The following SLIT3 variants were observed in gnomAD, a reference collection of about 807,000 sequenced individuals.
SLIT3 encodes slit homolog 3 protein.
Under a neutral mutation model 184.0 loss-of-function variants are expected in SLIT3, and 68 were observed. That is an observed-to-expected ratio of 0.37 (90% CI 0.30 to 0.45). The LOEUF (loss-of-function observed/expected upper bound fraction) is 0.45. Ranked by LOEUF, SLIT3 falls within the 20% of genes least tolerant of loss-of-function variation. SLIT3 has a pLI of 1.00. For synonymous variants in SLIT3, 831 were observed against 828.6 expected, an observed-to-expected ratio of 1.00 and a Z score of -0.05; for missense variants, 1,707 against 2,026.0, an observed-to-expected ratio of 0.84 and a Z score of 3.02.
At chr5:168,848,308 A>T (rs1758554174) in intron 5 of SLIT3, among the ~76,000 whole-genome samples, 1 of 152,214 alleles carries the variant, frequency 6.6e-6, no homozygotes. Flanking sequence ...CTGTGACTGT[A>T]CAGGGCTAAG....
intron 26 of SLIT3, among the ~76,000 whole-genome samples, chr5:168,701,163 CGT>C (rs1214812861): frequency 6.6e-6 from 1 of 152,210 alleles, no homozygotes; most frequent in Non-Finnish European, 1.5e-5. Context: ...AAAGGTTACA[CGT>C]GTGTAATCCA....
intron 4 of SLIT3, among the ~76,000 whole-genome samples, chr5:169,032,758 C>CTA (rs1169022553): frequency 6.6e-6 from 1 of 151,300 alleles, no homozygotes; most frequent in African/African-American, 2.4e-5. Flanking sequence ...CTCATGAATA[C>CTA]TATGCTTGGG....
intron 6 of SLIT3, among the ~76,000 whole-genome samples, chr5:168,838,048 G>T (rs1266943029): frequency 2.0e-5 from 3 of 152,234 alleles, no homozygotes; most frequent in African/African-American, 7.2e-5. Context: ...CTAAGGGTCA[G>T]TGTTTCAATA....
chr5:169,292,882 T>G (rs915184194), intron 1 of SLIT3, among the ~76,000 whole-genome samples: 2 of 152,108 alleles, frequency 1.3e-5, no homozygotes, highest in East Asian at 1.9e-4. Flanking sequence ...TGGGGAGATA[T>G]GGGGATGTCA....
At chr5:168,947,553 C>T (rs1762520663) in intron 4 of SLIT3, among the ~76,000 whole-genome samples, 1 of 152,200 alleles carries the variant, frequency 6.6e-6, no homozygotes, top group South Asian at 2.1e-4. Flanking sequence ...TTCTGCCCCA[C>T]AGCTGTGCCC....
At chr5:168,989,787 A>G (rs891917748) in intron 4 of SLIT3, among the ~76,000 whole-genome samples, 4 of 152,190 alleles carry the variant, frequency 2.6e-5, no homozygotes, top group Non-Finnish European at 5.9e-5. Flanking sequence ...TTTCACCCCA[A>G]TGATGCCAGA....
intron 4 of SLIT3, among the ~76,000 whole-genome samples, chr5:168,944,195 GCC>G (rs1762408553): frequency 6.6e-6 from 1 of 152,102 alleles, no homozygotes; most frequent in Non-Finnish European, 1.5e-5. Context: ...GTTTGAGTCT[GCC>G]CACCCCTCCT....
rs753790466 is a variant in SLIT3 at position 168,671,201 on chromosome 5, T to C, written c.4124A>G (p.His1375Arg). ...CCAGGGCTCCTGGGACACTGACCTG[T>C]GGCCGAGGCAGGGGTCCCGGGCCTC... ...DQEARDPCLG[H>R]RCHHGKCVAT... Residue 1375 changes from histidine (H) to arginine (R), a missense_variant, in exon 34 of 36, where the codon CAC (histidine) becomes CGC (arginine). Transcript: ENST00000519560. The C allele has an allele frequency of 6.2e-7, 1 of 1,606,138 alleles. No homozygotes were observed. Among genetic ancestry groups the C allele is most frequent in the East Asian group, 2.2e-5 (1 of 44,654 alleles).
chr5:169,035,886 C>T (rs961808533), intron 4 of SLIT3, among the ~76,000 whole-genome samples: 1 of 152,106 alleles, frequency 6.6e-6, no homozygotes, highest in Admixed American at 6.5e-5. Flanking sequence ...ATCGTAGAGT[C>T]TTGAATCCTG....
rs183874577 is a variant in SLIT3, at chr5:168,955,076, C to T, written c.414-71740G>A. On this transcript the variant is annotated intron_variant, in intron 4 of 35. Transcript: ENST00000519560. Reference sequence around the variant, plus strand: ...CCAGGCCACCTAGAGGCACTCCTGGCCTTCCTGATGTTGGGGGGTGGTGGG... The same window carrying T: ...CCAGGCCACCTAGAGGCACTCCTGGTCTTCCTGATGTTGGGGGGTGGTGGG... Among the ~76,000 whole-genome samples the T allele has an allele frequency of 2.6e-4, 36 of 138,308 alleles. No individual in the cohort carries two copies. In the East Asian group the frequency reaches 4.4e-3, roughly 17 times the overall value. 90.7% of individuals were successfully genotyped at this position (138,308 alleles called of 152,430 possible). A position where few individuals can be genotyped will look rare whatever the true frequency, so the allele number is the denominator to read the frequency against.
At chr5:168,973,351 G>A (rs1261655304) in intron 4 of SLIT3, among the ~76,000 whole-genome samples, 2 of 152,152 alleles carry the variant, frequency 1.3e-5, no homozygotes, top group Non-Finnish European at 2.9e-5. Context: ...GGGTTCAAGC[G>A]ATTCTCCTAC....
intron 4 of SLIT3, among the ~76,000 whole-genome samples, chr5:168,898,586 T>A (rs1049375696): frequency 6.6e-6 from 1 of 152,164 alleles, no homozygotes. Context: ...TTTTGGCCAC[T>A]GTTCAAAATG....
chr5:168,838,049 T>C (rs1387999210), intron 6 of SLIT3, among the ~76,000 whole-genome samples: 1 of 152,224 alleles, frequency 6.6e-6, no homozygotes, highest in Non-Finnish European at 1.5e-5. Flanking sequence ...TAAGGGTCAG[T>C]GTTTCAATAA....
intron 31 of SLIT3, among the ~76,000 whole-genome samples, chr5:168,684,880 T>C (rs1299636445): frequency 1.3e-5 from 2 of 152,178 alleles, no homozygotes; most frequent in East Asian, 3.8e-4. Context: ...TTCCAGTGTC[T>C]AGACTTTACC....
chr5:169,136,013 C>A (rs10071654), intron 4 of SLIT3, among the ~76,000 whole-genome samples: 50,589 of 152,078 alleles, frequency 0.33, 8,831 homozygotes, highest in Middle Eastern at 0.46. Context: ...CTTTTCCAAC[C>A]CTGCTCCCTC....
intron 20 of SLIT3, among the ~76,000 whole-genome samples, chr5:168,729,097 GA>G (rs771605244): frequency 7.8e-4 from 119 of 151,916 alleles, no homozygotes; most frequent in Admixed American, 1.4e-3. Context: ...CAAAAATAAG[GA>G]AAAAAGAATA....
In SLIT3 at chr5:168,681,440, G is replaced by A. The variant is rs550087844; in HGVS notation, c.3686+2526C>T. On this transcript the variant is annotated intron_variant, in intron 32 of 35. Coordinates refer to ENST00000519560, the MANE Select transcript of SLIT3 (RefSeq NM_003062.4). ...TTGGAAGCAAAATCATTTTAATCTG[G>A]AATTGCTAGAGCCTTGGGCCCCTGA... is the stretch of plus-strand genomic sequence containing the variant. Among the ~76,000 whole-genome samples, 84 of 152,318 alleles carry A rather than the reference G, an allele frequency of 5.5e-4. 1 individual carries two copies. In the South Asian group the frequency reaches 8.7e-3, roughly 16 times the overall value.
Position 168,925,998 on chromosome 5 carries a change from C to T in SLIT3, c.414-42662G>A, listed in dbSNP as rs150626530. On this transcript the variant is annotated intron_variant, in intron 4 of 35. Transcript: ENST00000519560. The stretch of plus-strand genomic sequence containing the variant: ...ATCTCACCACTCAGAAAGTGATCTA[C>T]GGAAGGCATGTTTTCATCCACAGGG... Among the ~76,000 whole-genome samples the T allele has an allele frequency of 1.1e-3, 164 of 152,318 alleles. 1 individual carries two copies. The Middle Eastern group carries it at 0.02, about 19-fold the overall frequency.
chr5:168,832,534 A>G (rs1315542973), intron 6 of SLIT3, among the ~76,000 whole-genome samples: 1 of 152,240 alleles, frequency 6.6e-6, no homozygotes, highest in Non-Finnish European at 1.5e-5. Context: ...TTTGATACAA[A>G]TAAATTCCCA....
Sources: allele counts gnomAD v4.1 joint callset (sites outside exome capture counted in the v4.1 genomes callset), GRCh38; gene constraint gnomAD v4.1.1; transcripts MANE v1.5; gene names NCBI Gene and HGNC (gene_info 2026-07-23, HGNC 2026-07-21).